Variants in ITGA11 observed in about 807,000 individuals in gnomAD.
The protein encoded by ITGA11 is integrin subunit alpha 11.
A neutral mutation model predicts 141.9 loss-of-function variants in ITGA11; 97 were observed. The ratio of observed to expected loss-of-function variants is 0.68; its 90% confidence interval spans 0.58 to 0.81. The LOEUF (loss-of-function observed/expected upper bound fraction) is 0.81, where lower values mean the gene tolerates loss of function less well. ITGA11 is among the 30% of genes least tolerant of loss of function. ITGA11 has a pLI of 0.00. For missense variants in ITGA11, 1,387 were observed against 1,559.2 expected (o/e 0.89, Z 1.86); for synonymous variants, 658 against 624.6 (o/e 1.05, Z -0.80).
chr15:68,314,629 A>C (rs533032646), intron 22 of ITGA11, among the ~76,000 whole-genome samples: 79 of 152,268 alleles, frequency 5.2e-4, no homozygotes, highest in African/African-American at 1.8e-3. Context: ...CACCCCCCAC[A>C]GCTGTGCCAG....
At chr15:68,368,876 T>TTTC (rs1555450929) in intron 3 of ITGA11, among the ~76,000 whole-genome samples, 1 of 150,596 alleles carries the variant, frequency 6.6e-6, no homozygotes, top group Non-Finnish European at 1.5e-5. Flanking sequence ...TTTTTTTTTT[T>TTTC]CTCCTGGGAG....
Position 68,326,259 on chromosome 15 carries a change from C to G in ITGA11, c.2211+395G>C, listed in dbSNP as rs566589848. On this transcript the variant is annotated intron_variant, in intron 17 of 29. Transcript: ENST00000315757. This position sits in a 1 kb window ranked among gnomAD's most constrained non-coding sequence, Gnocchi z 6.8. ...CTTGTGACATCACTGGCGCCCCTCT[C>G]TGTCTCACCTCCTGTTTTGTACATG... is the stretch of plus-strand genomic sequence containing the variant. Among the ~76,000 whole-genome samples, 2 of 152,362 alleles carry G rather than the reference C, an allele frequency of 1.3e-5. No individual in the cohort carries two copies. The highest frequency in any genetic ancestry group is 4.1e-4 in the South Asian group (2 of 4,832).
chr15:68,347,550 T>A (rs1056622970), intron 10 of ITGA11, among the ~76,000 whole-genome samples: 1 of 152,218 alleles, frequency 6.6e-6, no homozygotes, highest in African/African-American at 2.4e-5. Flanking sequence ...AGTCTGAGTG[T>A]GAGTGGCATT....
intron 10 of ITGA11, among the ~76,000 whole-genome samples, chr15:68,341,978 GTGGGAGGCC>G (rs2140318053): frequency 6.6e-6 from 1 of 152,366 alleles, no homozygotes; most frequent in East Asian, 1.9e-4. Flanking sequence ...TGGGCCTGCA[GTGGGAGGCC>G]CTTTCCTGAG....
intron 4 of ITGA11, among the ~76,000 whole-genome samples, chr15:68,363,167 T>A (rs1291706542): frequency 6.6e-6 from 1 of 152,088 alleles, no homozygotes; most frequent in East Asian, 1.9e-4. Flanking sequence ...GGTGGTTGGA[T>A]AGATGAATGG....
rs201055098 is a variant in ITGA11 at position 68,403,008 on chromosome 15, A to G, written c.74T>C (p.Met25Thr). ...GATGACCCGGGGCTTCCTGGTGTCC[A>G]TGTTGAAGGTGTCCGTGAACCCTGA... The part of the protein sequence containing the change: ...LWPGFTDTFN[M>T]DTRKPRVIPG... Residue 25 changes from methionine (M) to threonine (T), a missense_variant, in exon 2 of 30, where the codon ATG becomes ACG. Coordinates refer to ENST00000315757, the MANE Select transcript of ITGA11 (RefSeq NM_001004439.2). 6.2e-7 allele frequency: 1 copy of G among 1,613,302 alleles called. No homozygotes were observed. The highest frequency in any genetic ancestry group is 1.3e-5 in the African/African-American group (1 of 75,044).
intron 2 of ITGA11, among the ~76,000 whole-genome samples, chr15:68,393,511 CT>C (rs1469543447): frequency 6.6e-6 from 1 of 152,060 alleles, no homozygotes; most frequent in African/African-American, 2.4e-5. Flanking sequence ...AATGATAAAA[CT>C]GATGGTTGAC....
In ITGA11 at chr15:68,303,535, T is replaced by G. The variant is rs555697059; in HGVS notation, c.3495+237A>C. 3.9e-5 allele frequency among the ~76,000 whole-genome samples: 6 copies of G among 152,210 alleles called. No individual in the cohort carries two copies. The highest frequency in any genetic ancestry group is 2.1e-4 in the South Asian group (1 of 4,818). On this transcript the variant is annotated intron_variant, in intron 29 of 29. Coordinates refer to ENST00000315757, the MANE Select transcript of ITGA11 (RefSeq NM_001004439.2). This position sits in a 1 kb window ranked among gnomAD's most constrained non-coding sequence, Gnocchi z 5.3. ...TTGTTTGTACTTGCTTTTTTTTTTT[T>G]TCTCTAATAATAGGAACCTTAGTTT...
chr15:68,346,938 C>T (rs187489781), intron 10 of ITGA11, among the ~76,000 whole-genome samples: 13 of 152,322 alleles, frequency 8.5e-5, no homozygotes, highest in Admixed American at 8.5e-4. Context: ...GTATTGTACA[C>T]TTTTACCTAG....
chr15:68,366,305 A>G (rs1160724678), intron 3 of ITGA11, among the ~76,000 whole-genome samples: 1 of 152,128 alleles, frequency 6.6e-6, no homozygotes, highest in Non-Finnish European at 1.5e-5. Flanking sequence ...TTTACAGATG[A>G]GAACATTGAG....
intron 1 of ITGA11, 52 bp downstream of exon 1, chr15:68,431,954 AGCCCCGAGG>A: frequency 8.5e-7 from 1 of 1,172,584 alleles, no homozygotes. Context: ...GCTGGATCCA[AGCCCCGAGG>A]GCCCAGGGAG....
chr15:68,338,811 G>T (rs976820042), intron 11 of ITGA11, among the ~76,000 whole-genome samples: 5 of 152,208 alleles, frequency 3.3e-5, no homozygotes, highest in Admixed American at 6.5e-5. Context: ...CAGTGGATTT[G>T]GTTCAGAAAT....
intron 1 of ITGA11, among the ~76,000 whole-genome samples, chr15:68,423,256 G>A (rs778044110): frequency 1.2e-4 from 19 of 152,126 alleles, no homozygotes; most frequent in Non-Finnish European, 5.9e-5. Context: ...GCTGTATGGC[G>A]GGGGAAGTAC....
At position 68,303,257 on chromosome 15, in the gene ITGA11, C is replaced by G; in HGVS notation, c.3496-127G>C. The G allele has an allele frequency of 1.3e-6, 1 of 756,446 alleles. No homozygotes were observed. The highest frequency in any genetic ancestry group is 1.6e-5 in the South Asian group (1 of 63,294). The allele number at this position is 756,446 out of a possible 1,614,324, so 46.9% of individuals were successfully genotyped here. A position where few individuals can be genotyped will look rare whatever the true frequency, so the allele number is the denominator to read the frequency against. ...CTTCCTTGAGTACCCCCAGCTCATTCTGAGCACCCCCTCCTCCAGAACTGC... is the reference window on the plus strand; with the variant it reads ...CTTCCTTGAGTACCCCCAGCTCATTGTGAGCACCCCCTCCTCCAGAACTGC... On this transcript the variant is annotated intron_variant, in intron 29 of 29. Coordinates refer to ENST00000315757, the MANE Select transcript of ITGA11 (RefSeq NM_001004439.2). This position sits in a 1 kb window ranked among gnomAD's most constrained non-coding sequence, Gnocchi z 5.3.
chr15:68,317,258 T>TC lies in ITGA11; in HGVS notation c.2715+6dup. 1 of 1,599,172 alleles carries TC rather than the reference T, an allele frequency of 6.3e-7. No individual in the cohort carries two copies. On this transcript the variant is annotated splice_region_variant and intron_variant, in intron 21 of 29. Coordinates refer to ENST00000315757, the MANE Select transcript of ITGA11 (RefSeq NM_001004439.2). ...TGACCCTCCCCCACATTGTCCCCAGTCTCAACCTTGGCCTTGGCCCGGAAG... is the reference window on the plus strand; with the variant it reads ...TGACCCTCCCCCACATTGTCCCCAGTCCTCAACCTTGGCCTTGGCCCGGAAG...
chr15:68,388,141 A>G (rs1047958911), intron 2 of ITGA11, among the ~76,000 whole-genome samples: 1 of 152,130 alleles, frequency 6.6e-6, no homozygotes, highest in Non-Finnish European at 1.5e-5. Flanking sequence ...GGATACCACA[A>G]TCTTCCTAGT....
chr15:68,367,025 C>T (rs1895443029), intron 3 of ITGA11, among the ~76,000 whole-genome samples: 1 of 152,140 alleles, frequency 6.6e-6, no homozygotes, highest in Non-Finnish European at 1.5e-5. Flanking sequence ...CACTGTGGGG[C>T]AAAACTGACA....
intron 26 of ITGA11, among the ~76,000 whole-genome samples, chr15:68,309,952 A>G (rs571179446): frequency 6.6e-6 from 1 of 152,276 alleles, no homozygotes; most frequent in East Asian, 1.9e-4. Flanking sequence ...GTTGCCCTTT[A>G]AAGATTTTTT....
intron 16 of ITGA11, among the ~76,000 whole-genome samples, chr15:68,327,412 A>G (rs1406260457): frequency 1.3e-5 from 2 of 152,178 alleles, no homozygotes; most frequent in Non-Finnish European, 2.9e-5. Context: ...TCAGGGACAG[A>G]AGTTGAAAGA....
Sources: gnomAD v4.1 joint callset for allele counts (sites outside exome capture counted in the v4.1 genomes callset) on GRCh38, gnomAD v4.1.1 for gene constraint, Gnocchi (gnomAD v3.1) non-coding constraint, MANE v1.5 for transcripts, NCBI Gene and HGNC (gene_info 2026-07-23, HGNC 2026-07-21) for gene names.